THNSL1: variants seen among roughly 807,000 people sequenced by gnomAD.
THNSL1 encodes threonine synthase-like 1.
A neutral mutation model predicts 50.4 loss-of-function variants in THNSL1; 48 were observed. The ratio of observed to expected loss-of-function variants is 0.95; its 90% CI spans 0.76 to 1.21. The LOEUF is 1.21. THNSL1 is among the 50% of genes most tolerant of loss of function. THNSL1 has a pLI of 0.00. For synonymous variants in THNSL1, 309 were observed against 306.1 expected (o/e 1.01, Z -0.10); for missense variants, 896 against 871.7 (o/e 1.03, Z -0.35).
chr10:25,015,780 A>G (rs1012274301), upstream of THNSL1: 1 of 1,253,818 alleles, frequency 8.0e-7, no homozygotes, highest in African/African-American at 1.5e-5. Context: ...ATTATTAAAA[A>G]TTCCAGTATA....
the THNSL1 span, chr10:24,984,885 T>C: frequency 1.9e-6 from 3 of 1,612,772 alleles, no homozygotes; most frequent in Non-Finnish European, 2.5e-6. Context: ...TATGCACCTC[T>C]TCCCAGTTCT....
the THNSL1 span, among the ~76,000 whole-genome samples, chr10:24,954,207 A>G: frequency 6.6e-6 from 1 of 152,192 alleles, no homozygotes. Flanking sequence ...ATCAAACTTT[A>G]GAGTTCACAA....
chr10:24,998,096 CT>C, the THNSL1 span, among the ~76,000 whole-genome samples: 1 of 152,052 alleles, frequency 6.6e-6, no homozygotes, highest in African/African-American at 2.4e-5. Context: ...GTGCCCTCAC[CT>C]TTTTTCATGA....
At chr10:24,966,543 C>T in the THNSL1 span, among the ~76,000 whole-genome samples, 4 of 152,316 alleles carry the variant, frequency 2.6e-5, no homozygotes, top group Admixed American at 1.3e-4. Flanking sequence ...TCATTATTCT[C>T]TTAATGGAAT....
At position 25,023,642 on chromosome 10, in the gene THNSL1, C is replaced by T. The variant is rs79027216; in HGVS notation, c.419C>T (p.Ala140Val). ...SLTGSNPMHD[A>V]SMWHLKKNGI... The stretch of plus-strand genomic sequence containing the variant: ...ACTGGGTCCAATCCAATGCATGATG[C>T]TAGCATGTGGCATCTGAAGAAAAAT... The change falls in exon 3 of 3, where the codon GCT becomes GTT. Residue 140 changes from alanine to valine, a missense_variant. By Grantham distance (64) the Ala-to-Val change is moderately conservative. Transcript: ENST00000376356. 48 of 1,614,140 alleles carry T rather than the reference C, an allele frequency of 3.0e-5. No individual in the cohort carries two copies. The East Asian group carries it at 1.1e-3, about 36-fold the overall frequency.
At chr10:25,003,860 T>C in the THNSL1 span, among the ~76,000 whole-genome samples, 33 of 152,302 alleles carry the variant, frequency 2.2e-4, no homozygotes, top group South Asian at 6.6e-3. Context: ...CAGGGTGTGT[T>C]GTTCCCCTCC....
chr10:24,981,965 A>C, the THNSL1 span: 1 of 152,242 alleles, frequency 6.6e-6, no homozygotes, highest in African/African-American at 2.4e-5. Flanking sequence ...AATAATATCA[A>C]GAGATCATTA....
chr10:24,981,196 G>A, the THNSL1 span, among the ~76,000 whole-genome samples: 1 of 152,184 alleles, frequency 6.6e-6, no homozygotes, highest in Non-Finnish European at 1.5e-5. Context: ...CTGAGTTCCT[G>A]AGAACAGTGA....
chr10:25,008,670 A>G, the THNSL1 span, among the ~76,000 whole-genome samples: 2 of 152,216 alleles, frequency 1.3e-5, no homozygotes, highest in Non-Finnish European at 2.9e-5. Flanking sequence ...TGGGACTGTC[A>G]ACTAGTTCAA....
At chr10:25,016,087 C>T, upstream of THNSL1, 1 of 1,349,012 alleles carries the variant, frequency 7.4e-7, no homozygotes, top group African/African-American at 1.5e-5. Flanking sequence ...CCCCTTTAAC[C>T]CCCTCTTAGC....
chr10:24,978,513 CTT>C, the THNSL1 span, among the ~76,000 whole-genome samples: 1 of 150,858 alleles, frequency 6.6e-6, no homozygotes, highest in Non-Finnish European at 1.5e-5. Flanking sequence ...CTCTCTCTCT[CTT>C]TATAAATAAT....
chr10:24,999,765 A>G, the THNSL1 span, among the ~76,000 whole-genome samples: 1 of 152,196 alleles, frequency 6.6e-6, no homozygotes, highest in African/African-American at 2.4e-5. Flanking sequence ...AAAAGTGTTC[A>G]TAGTATTTCC....
rs150062766 is a variant in THNSL1, at chr10:25,024,877, A to C, written c.1654A>C (p.Arg552=). The change falls in exon 3 of 3, where the codon AGG becomes CGG. Residue 552 remains arginine, a synonymous_variant. Transcript: ENST00000376356. ...DFIKTGHYDL[R]ERKLAQTFSP... The stretch of plus-strand genomic sequence containing the variant: ...TATAAAAACAGGACATTATGATCTA[A>C]GGGAAAGAAAACTAGCACAAACCTT... 1 of 1,614,038 alleles carries C rather than the reference A, an allele frequency of 6.2e-7. No individual in the cohort carries two copies. The highest frequency in any genetic ancestry group is 8.5e-7 in the Non-Finnish European group (1 of 1,180,024).
rs1198745350 is a variant in THNSL1, at chr10:25,023,381, T to C, written c.158T>C (p.Val53Ala). The C allele has an allele frequency of 1.2e-6, 2 of 1,614,044 alleles. No homozygotes were observed. The highest frequency in any genetic ancestry group is 1.1e-5 in the South Asian group (1 of 91,088). Residue 53 changes from valine (V) to alanine (A), a missense_variant, in exon 3 of 3, where the codon GTT becomes GCT. Val to Ala is a moderately conservative substitution (Grantham distance 64, BLOSUM62 0). Coordinates refer to ENST00000376356, the MANE Select transcript of THNSL1 (RefSeq NM_024838.5). Reference protein sequence around the residue: ...RKSWYSTHSLVGDKNIILMGP... With the variant: ...RKSWYSTHSLAGDKNIILMGP... ...TCATGGTATTCAACCCACTCTCTTG[T>C]TGGAGACAAAAATATTATCCTGATG...
At chr10:24,970,225 A>G in the THNSL1 span, among the ~76,000 whole-genome samples, 3 of 152,246 alleles carry the variant, frequency 2.0e-5, no homozygotes, top group African/African-American at 7.2e-5. Flanking sequence ...AACAGTTACC[A>G]TAGGAACAAT....
the THNSL1 span, among the ~76,000 whole-genome samples, chr10:24,986,610 A>T: frequency 2.0e-5 from 3 of 152,186 alleles, no homozygotes; most frequent in African/African-American, 7.2e-5. Context: ...AAGGTTTTTC[A>T]TAGCTAGTTG....
Position 25,023,928 on chromosome 10 carries a change from A to G in THNSL1, c.705A>G (p.Arg235=), listed in dbSNP as rs368763794. The G allele has an allele frequency of 2.4e-5, 38 of 1,614,196 alleles. No homozygotes were observed. Among genetic ancestry groups the G allele is most frequent in the Non-Finnish European group, 3.1e-5 (36 of 1,180,024 alleles). ...DVDSETFIST[R]HVWPEDCEQK... is the part of the protein sequence containing the mutation. ...ACTCGGAAACATTCATTTCAACAAG[A>G]CACGTTTGGCCTGAAGACTGTGAAC... The change falls in exon 3 of 3, where the codon AGA becomes AGG. Residue 235 remains arginine, a synonymous_variant. Transcript: ENST00000376356.
chr10:24,996,823 A>G, the THNSL1 span, among the ~76,000 whole-genome samples: 1 of 152,130 alleles, frequency 6.6e-6, no homozygotes, highest in Non-Finnish European at 1.5e-5. Flanking sequence ...ATGTCCTCCT[A>G]GAATTCATAT....
chr10:24,993,325 T>A, the THNSL1 span, among the ~76,000 whole-genome samples: 2 of 152,256 alleles, frequency 1.3e-5, no homozygotes, highest in African/African-American at 4.8e-5. Context: ...AGGTGTCACA[T>A]TTTGTGTCAA....
Sources: gnomAD v4.1 joint callset for allele counts (sites outside exome capture counted in the v4.1 genomes callset) on GRCh38, gnomAD v4.1.1 for gene constraint, MANE v1.5 for transcripts, NCBI Gene and HGNC (gene_info 2026-07-23, HGNC 2026-07-21) for gene names.